The following NOS3 variants were observed in gnomAD, a reference collection of about 807,000 sequenced individuals.
The protein encoded by NOS3 is nitric oxide synthase 3.
NOS3 carries 98 observed loss-of-function variants against 144.9 expected under a neutral mutation model. The ratio of observed to expected loss-of-function variants is 0.68; its 90% CI spans 0.57 to 0.80. NOS3 has a LOEUF of 0.80. NOS3 is among the 30% of genes least tolerant of loss of function. NOS3 has a pLI of 0.00. For missense variants in NOS3, 1,465 were observed against 1,656.4 expected (o/e 0.88, Z 2.01); for synonymous variants, 714 against 702.4 (o/e 1.02, Z -0.26).
intron 9 of NOS3, 29 bp downstream of exon 9, chr7:150,999,393 G>T (rs755644434): frequency 6.5e-7 from 1 of 1,535,416 alleles, no homozygotes; most frequent in Admixed American, 2.0e-5. Context: ...CTCGGGCACC[G>T]AATGCACCTG....
Position 150,998,934 on chromosome 7 carries a change from C to G in NOS3, c.817-12C>G. The G allele has an allele frequency of 2.5e-6, 4 of 1,606,766 alleles. No individual in the cohort carries two copies. Among genetic ancestry groups the G allele is most frequent in the Non-Finnish European group, 3.4e-6 (4 of 1,177,926 alleles). On this transcript the variant is annotated splice_polypyrimidine_tract_variant and intron_variant, in intron 7 of 26. Transcript: ENST00000297494. The surrounding 1 kb of genome is among the most constrained non-coding windows in gnomAD (Gnocchi z 5.0). ...CTCAGCCCCAGAACCCCCTCTGGCCCACTCCCCACAGCTCTGCATTCAGCA... is the reference window on the plus strand; with the variant it reads ...CTCAGCCCCAGAACCCCCTCTGGCCGACTCCCCACAGCTCTGCATTCAGCA...
Position 151,002,227 on chromosome 7 carries a change from G to A in NOS3, c.1675G>A (p.Val559Met). The change falls in exon 14 of 27, where the codon GTG becomes ATG. Residue 559 changes from valine (V) to methionine (M), a missense_variant. Val to Met is a conservative substitution (Grantham distance 21). This residue lies in a region of NOS3 where 745 missense variants were observed against 853.9 expected (regional missense o/e 0.87). Transcript: ENST00000297494. The surrounding 1 kb of genome is among the most constrained non-coding windows in gnomAD (Gnocchi z 4.1). ...RVLCMDEYDV[V>M]SLEHETLVLV... ...CCTGTGTATGGATGAGTATGACGTG[G>A]TGTCCCTCGAACACGAGACGCTGGT... The A allele has an allele frequency of 6.2e-7, 1 of 1,600,076 alleles. No homozygotes were observed. Among genetic ancestry groups the A allele is most frequent in the Non-Finnish European group, 8.5e-7 (1 of 1,173,114 alleles).
intron 20 of NOS3, 50 bp downstream of exon 20, chr7:151,009,635 C>G (rs1441746914): frequency 1.4e-6 from 2 of 1,433,158 alleles, no homozygotes; most frequent in African/African-American, 1.4e-5. Context: ...CATGCCCAGC[C>G]CCACCCCCGG....
chr7:151,009,109 A>G (rs1252141217), intron 18 of NOS3, 47 bp downstream of exon 18: 2 of 1,612,690 alleles, frequency 1.2e-6, no homozygotes, highest in Admixed American at 1.7e-5. Flanking sequence ...TGAGGCCCCC[A>G]CACCCCGGGA....
At chr7:150,999,416 G>A (rs1331228655) in intron 9 of NOS3, 52 bp downstream of exon 9, 1 of 1,508,668 alleles carries the variant, frequency 6.6e-7, no homozygotes, top group South Asian at 1.3e-5. Context: ...CAAGGCAGGA[G>A]TCTGGCTCTC....
In NOS3 at chr7:150,996,336, C is replaced by A. The variant is rs1362741237; in HGVS notation, c.271-68C>A. 1.7e-5 allele frequency: 8 copies of A among 461,996 alleles called. No individual in the cohort carries two copies. The African/African-American group carries it at 4.1e-4, about 23-fold the overall frequency. The allele number at this position is 461,996 out of a possible 1,614,324, so 28.6% of individuals were successfully genotyped here. On this transcript the variant is annotated intron_variant, in intron 3 of 26. Transcript: ENST00000297494. Reference sequence around the variant, plus strand: ...CTGTTCCACCCCTGCACCCCTCCTCCCTGCCCCCAACTCCCATCCCACCCC... The same window carrying A: ...CTGTTCCACCCCTGCACCCCTCCTCACTGCCCCCAACTCCCATCCCACCCC...
chr7:151,004,153 A>G (rs7776461), intron 14 of NOS3, among the ~76,000 whole-genome samples: 2,837 of 152,312 alleles, frequency 0.019, 65 homozygotes, highest in African/African-American at 0.064. Context: ...CCTGGCCAAC[A>G]TGGCAAAACC....
rs369543769 is a variant in NOS3 at position 151,001,315 on chromosome 7, G to T, written c.1318G>T (p.Gly440Cys). The change falls in exon 11 of 27, where the codon GGC (glycine) becomes TGC (cysteine). Residue 440 changes from glycine (G) to cysteine (C), a missense_variant. Around this residue, in one of 5 missense-constraint regions of NOS3, gnomAD observed 745 missense variants for 853.9 expected, o/e 0.87. Transcript: ENST00000297494. The part of the protein sequence containing the change: ...HLENEQKARG[G>C]CPADWAWIVP... ...GGAGAATGAGCAGAAGGCCAGGGGGGGCTGCCCTGCAGACTGGGCCTGGAT... is the reference window on the plus strand; with the variant it reads ...GGAGAATGAGCAGAAGGCCAGGGGGTGCTGCCCTGCAGACTGGGCCTGGAT... 4.9e-5 allele frequency: 79 copies of T among 1,613,640 alleles called. No homozygotes were observed. The highest frequency in any genetic ancestry group is 6.4e-5 in the Non-Finnish European group (75 of 1,179,946).
intron 14 of NOS3, among the ~76,000 whole-genome samples, chr7:151,004,576 G>A (rs1477032703): frequency 1.3e-5 from 2 of 152,182 alleles, no homozygotes; most frequent in Non-Finnish European, 2.9e-5. Context: ...CTGATAAATT[G>A]TGGTATATTC....
intron 17 of NOS3, 140 bp from the exon 18 acceptor site, chr7:151,008,790 A>AG (rs1331187179): frequency 5.4e-5 from 51 of 947,898 alleles, no homozygotes; most frequent in Non-Finnish European, 6.6e-5. Context: ...CTGGCGGAAA[A>AG]GGTGCTGTCC....
chr7:151,004,847 T>A (rs1267744596), intron 14 of NOS3, among the ~76,000 whole-genome samples: 1 of 149,428 alleles, frequency 6.7e-6, no homozygotes, highest in Non-Finnish European at 1.5e-5. Flanking sequence ...AATGTTTGTT[T>A]GTTTGTTTGT....
At chr7:151,011,840 TAA>T (rs1795312328) in intron 23 of NOS3, 1 of 444,778 alleles carries the variant, frequency 2.2e-6, no homozygotes. Context: ...TGAAGGATTT[TAA>T]GAGACCCTTC....
chr7:151,010,988 T>C lies in NOS3; in HGVS notation c.2984+2T>C, dbSNP rs1264912143. The C allele has an allele frequency of 3.1e-6, 5 of 1,611,032 alleles. No homozygotes were observed. Among genetic ancestry groups the C allele is most frequent in the Non-Finnish European group, 4.2e-6 (5 of 1,178,054 alleles). ...CCCTGTGCCCTGCTTCATCCGGGGG[T>C]AAGTGAGATGGAAGACTTGGTGGGG... On this transcript the variant is annotated splice_donor_variant, in intron 23 of 26. Coordinates refer to ENST00000297494, the MANE Select transcript of NOS3 (RefSeq NM_000603.5). LOFTEE classifies it high-confidence loss of function.
In NOS3 at chr7:150,993,175, T is replaced by C. The variant is rs927506042; in HGVS notation, c.-51-578T>C. ...GGGGCTGGGAGGGGAAGGGATACCC[T>C]AATGTCAGACTCAAGGACAAAAAGT... On this transcript the variant is annotated intron_variant, in intron 1 of 26. Coordinates refer to ENST00000297494, the MANE Select transcript of NOS3 (RefSeq NM_000603.5). The surrounding 1 kb of genome is among the most constrained non-coding windows in gnomAD (Gnocchi z 4.0). 2.0e-5 allele frequency among the ~76,000 whole-genome samples: 3 copies of C among 152,138 alleles called. No homozygotes were observed. The highest frequency in any genetic ancestry group is 4.4e-5 in the Non-Finnish European group (3 of 68,020).
chr7:151,012,326 C>T, intron 23 of NOS3, 25 bp from the exon 24 acceptor site: 2 of 1,542,802 alleles, frequency 1.3e-6, no homozygotes. Flanking sequence ...GCAAAGGGGA[C>T]CTGATGGAGT....
rs771359147 is a variant in NOS3, at chr7:150,996,368, C to T, written c.271-36C>T. The T allele has an allele frequency of 3.4e-6, 5 of 1,468,492 alleles. No homozygotes were observed. In the South Asian group the frequency reaches 6.2e-5, roughly 18 times the overall value. The allele number at this position is 1,468,492 out of a possible 1,614,324, so 91.0% of individuals were successfully genotyped here. ...CCAACTCCCATCCCACCCCTGCACCCTGGCCTGTCCTGACCTTTGCACTCC... is the reference window on the plus strand; with the variant it reads ...CCAACTCCCATCCCACCCCTGCACCTTGGCCTGTCCTGACCTTTGCACTCC... On this transcript the variant is annotated intron_variant, in intron 3 of 26. Transcript: ENST00000297494.
chr7:150,997,001 T>TC (rs1441871839), intron 5 of NOS3, 76 bp downstream of exon 5: 17 of 1,465,610 alleles, frequency 1.2e-5, no homozygotes, highest in South Asian at 2.6e-5. Flanking sequence ...TCCTAAGGCT[T>TC]CCCGGGGGCT....
rs1795161683 is a variant in NOS3, at chr7:151,003,655, AGTCTGTCTCCCTGCCAGAAGT to A, written c.1752+1359_1752+1379del. ...CAGTTCCTCACGTGAATCCCTTCCC[AGTCTGTCTCCCTGCCAGAAGT>A]GTCTGTCACCACAGAATAGTTTCGC... On this transcript the variant is annotated intron_variant, in intron 14 of 26. Coordinates refer to ENST00000297494, the MANE Select transcript of NOS3 (RefSeq NM_000603.5). The surrounding 1 kb of genome is among the most constrained non-coding windows in gnomAD (Gnocchi z 4.1). 1.3e-6 allele frequency: 1 copy of A among 758,794 alleles called. No individual in the cohort carries two copies. Among genetic ancestry groups the A allele is most frequent in the Non-Finnish European group, 2.0e-6 (1 of 489,892 alleles). 47.0% of individuals were successfully genotyped at this position (758,794 alleles called of 1,614,324 possible).
At chr7:150,995,111 G>GC in intron 2 of NOS3, 92 bp from the exon 3 acceptor site, 1 of 662,454 alleles carries the variant, frequency 1.5e-6, no homozygotes, top group Non-Finnish European at 2.6e-6. Context: ...CTGTGAGATC[G>GC]CCAGTGCTGT....
Sources: allele counts gnomAD v4.1 joint callset (sites outside exome capture counted in the v4.1 genomes callset), GRCh38; gene constraint gnomAD v4.1.1; regional missense constraint gnomAD v4.1.1; non-coding constraint Gnocchi (gnomAD v3.1); transcripts MANE v1.5; gene names NCBI Gene and HGNC (gene_info 2026-07-23, HGNC 2026-07-21).